The following VARS1 variants were observed in gnomAD, a reference collection of about 807,000 sequenced individuals.
The protein encoded by VARS1 is valine--tRNA ligase.
VARS1 carries 92 observed loss-of-function variants against 161.0 expected under a neutral mutation model. That is an observed-to-expected ratio of 0.57 (90% CI 0.48 to 0.68). VARS1 has a LOEUF of 0.68. Among genes scored for constraint, VARS1 ranks in the 30% least tolerant of loss-of-function variants. The pLI is 0.00. For synonymous variants in VARS1, 595 were observed against 682.5 expected (o/e 0.87, Z 2.00); for missense variants, 1,338 against 1,695.9 (o/e 0.79, Z 3.71).
At position 31,779,942 on chromosome 6, in the gene VARS1, G is replaced by A. The variant is rs1317838522; in HGVS notation, c.3081+56C>T. The A allele has an allele frequency of 6.2e-7, 1 of 1,608,010 alleles. No individual in the cohort carries two copies. Among genetic ancestry groups the A allele is most frequent in the Non-Finnish European group, 8.5e-7 (1 of 1,177,080 alleles). Reference sequence around the variant, plus strand: ...GCCAACTCTGGCAAAACTGAGCCCAGGGCTCTGCTGCCCACCTGCCCCCAC... The same window carrying A: ...GCCAACTCTGGCAAAACTGAGCCCAAGGCTCTGCTGCCCACCTGCCCCCAC... On this transcript the variant is annotated intron_variant, in intron 26 of 29. Coordinates refer to ENST00000375663, the MANE Select transcript of VARS1 (RefSeq NM_006295.3). The surrounding 1 kb of genome is among the most constrained non-coding windows in gnomAD (Gnocchi z 9.1).
chr6:31,786,814 T>C (rs547710075), intron 8 of VARS1, among the ~76,000 whole-genome samples: 26 of 152,066 alleles, frequency 1.7e-4, no homozygotes, highest in African/African-American at 5.5e-4. Flanking sequence ...TTTGTGAAAG[T>C]TGGCACTTCC....
Position 31,777,927 on chromosome 6 carries a change from T to G in VARS1, c.3727-265A>C. On this transcript the variant is annotated intron_variant, in intron 29 of 29. Coordinates refer to ENST00000375663, the MANE Select transcript of VARS1 (RefSeq NM_006295.3). The surrounding 1 kb of genome is among the most constrained non-coding windows in gnomAD (Gnocchi z 5.8). Reference sequence around the variant, plus strand: ...CAGAGCCTACGTGTTCCCCATTCAGTGTCCCCACCTAAGCAGGAGAGCACA... The same window carrying G: ...CAGAGCCTACGTGTTCCCCATTCAGGGTCCCCACCTAAGCAGGAGAGCACA... 1 of 575,306 alleles carries G rather than the reference T, an allele frequency of 1.7e-6. No individual in the cohort carries two copies. The highest frequency in any genetic ancestry group is 2.9e-5 in the East Asian group (1 of 34,660). The allele number at this position is 575,306 out of a possible 1,614,324, so 35.6% of individuals were successfully genotyped here.
chr6:31,790,378 G>T lies in VARS1; in HGVS notation c.1100+1232C>A, dbSNP rs907715752. On this transcript the variant is annotated intron_variant, in intron 8 of 29. Transcript: ENST00000375663. ...GCACTTTGGGAGGCCGAGGCAGGCAGATCACCTGAGGTCAGGAGTTTGAGA... is the reference window on the plus strand; with the variant it reads ...GCACTTTGGGAGGCCGAGGCAGGCATATCACCTGAGGTCAGGAGTTTGAGA... 2.0e-5 allele frequency among the ~76,000 whole-genome samples: 3 copies of T among 151,992 alleles called. No individual in the cohort carries two copies. The South Asian group carries it at 6.2e-4, about 32-fold the overall frequency.
chr6:31,778,764 C>G lies in VARS1; in HGVS notation c.3726+203G>C, dbSNP rs979066333. 4.3e-6 allele frequency: 3 copies of G among 703,616 alleles called. No homozygotes were observed. The African/African-American group carries it at 5.4e-5, about 13-fold the overall frequency. The allele number at this position is 703,616 out of a possible 1,614,324, so 43.6% of individuals were successfully genotyped here. On this transcript the variant is annotated intron_variant, in intron 29 of 29. Coordinates refer to ENST00000375663, the MANE Select transcript of VARS1 (RefSeq NM_006295.3). The surrounding 1 kb of genome is among the most constrained non-coding windows in gnomAD (Gnocchi z 5.1). ...TCAAGTGATCCACCCACCTTGGCCTCCCAAATTTCTGGGATTACAGGTGTG... is the reference window on the plus strand; with the variant it reads ...TCAAGTGATCCACCCACCTTGGCCTGCCAAATTTCTGGGATTACAGGTGTG...
In VARS1 at chr6:31,791,540, G is replaced by T. The variant is rs1021831221; in HGVS notation, c.1100+70C>A. 13 of 1,534,414 alleles carry T rather than the reference G, an allele frequency of 8.5e-6. No homozygotes were observed. Among genetic ancestry groups the T allele is most frequent in the African/African-American group, 1.4e-5 (1 of 72,968 alleles). On this transcript the variant is annotated intron_variant, in intron 8 of 29. Coordinates refer to ENST00000375663, the MANE Select transcript of VARS1 (RefSeq NM_006295.3). The surrounding 1 kb of genome is among the most constrained non-coding windows in gnomAD (Gnocchi z 5.0). ...AACCCAGAAGGAGAGAGGCTCGGGG[G>T]GCTGTCAGGGAAAAGGAGAGAGCCA...
chr6:31,791,709 C>T lies in VARS1; in HGVS notation c.1001G>A (p.Arg334Gln), dbSNP rs765025793. The T allele has an allele frequency of 1.2e-5, 19 of 1,612,874 alleles. No homozygotes were observed. The highest frequency in any genetic ancestry group is 1.7e-5 in the Admixed American group (1 of 59,980). Residue 334 changes from arginine (R) to glutamine (Q), a missense_variant, in exon 8 of 30, where the codon CGA (arginine) becomes CAA (glutamine). Around this residue, in one of 3 missense-constraint regions of VARS1, gnomAD observed 902 missense variants for 1,090.3 expected, o/e 0.83. Transcript: ENST00000375663. This position sits in a 1 kb window ranked among gnomAD's most constrained non-coding sequence, Gnocchi z 5.0. ...GRPNVSAANP[R>Q]GVFMMCIPPP... is the part of the protein sequence containing the mutation. ...TGGGATGCACATCATGAAGACACCTCGGGGATTTGCTGCTGACACATTAGG... is the reference window on the plus strand; with the variant it reads ...TGGGATGCACATCATGAAGACACCTTGGGGATTTGCTGCTGACACATTAGG...
chr6:31,792,329 C>T (rs776589792), intron 5 of VARS1, 28 bp from the exon 6 acceptor site: 3 of 1,613,924 alleles, frequency 1.9e-6, no homozygotes, highest in South Asian at 2.2e-5. Flanking sequence ...GACATAGGCC[C>T]AGGCATCAGC....
At position 31,779,437 on chromosome 6, in the gene VARS1, T is replaced by A. The variant is rs1310599485; in HGVS notation, c.3388A>T (p.Ile1130Phe). Reference protein sequence around the residue: ...SLRADYNLTRIRPDCFLEVAD... With the variant: ...SLRADYNLTRFRPDCFLEVAD... The stretch of plus-strand genomic sequence containing the variant: ...GCCTGAGGCTCACAGTCAGGCCGGA[T>A]CCGGGTGAGGTTGTAGTCGGCCCGC... The change falls in exon 28 of 30, where the codon ATC becomes TTC. Residue 1130 changes from isoleucine to phenylalanine, a missense_variant. Physicochemically the swap from Ile to Phe is conservative, Grantham distance 21. Transcript: ENST00000375663. The surrounding 1 kb of genome is among the most constrained non-coding windows in gnomAD (Gnocchi z 9.1). 2 of 1,611,976 alleles carry A rather than the reference T, an allele frequency of 1.2e-6. No homozygotes were observed. The highest frequency in any genetic ancestry group is 1.1e-5 in the South Asian group (1 of 91,062).
chr6:31,790,128 T>C (rs1402405773), intron 8 of VARS1, among the ~76,000 whole-genome samples: 1 of 150,412 alleles, frequency 6.6e-6, no homozygotes, highest in Non-Finnish European at 1.5e-5. Flanking sequence ...CGCAAAAAAA[T>C]TCTTAAATGT....
chr6:31,778,799 G>A lies in VARS1; in HGVS notation c.3726+168C>T. On this transcript the variant is annotated intron_variant, in intron 29 of 29. Coordinates refer to ENST00000375663, the MANE Select transcript of VARS1 (RefSeq NM_006295.3). This position sits in a 1 kb window ranked among gnomAD's most constrained non-coding sequence, Gnocchi z 5.1. ...TGGGATTACAGGTGTGAGCCACTGA[G>A]CCAGGCTGTTTTGTTTTTTAAGGCT... 3 of 934,840 alleles carry A rather than the reference G, an allele frequency of 3.2e-6. No individual in the cohort carries two copies. Among genetic ancestry groups the A allele is most frequent in the Non-Finnish European group, 3.1e-6 (2 of 636,100 alleles). The allele number at this position is 934,840 out of a possible 1,614,324, so 57.9% of individuals were successfully genotyped here.
Position 31,781,978 on chromosome 6 carries a change from AG to A in VARS1, c.2242-27del, listed in dbSNP as rs377367472. The A allele has an allele frequency of 1.2e-6, 2 of 1,613,096 alleles. No homozygotes were observed. ...CTGCCACAGGTGCAGTGATTACCCA[AG>A]GGGGTGTGTCTGCTTCTGGCTCACC... is the stretch of plus-strand genomic sequence containing the variant. On this transcript the variant is annotated intron_variant, in intron 18 of 29. Coordinates refer to ENST00000375663, the MANE Select transcript of VARS1 (RefSeq NM_006295.3). This position sits in a 1 kb window ranked among gnomAD's most constrained non-coding sequence, Gnocchi z 6.8.
rs193195815 is a variant in VARS1 at position 31,793,514 on chromosome 6, A to C, written c.388-394T>G. Among the ~76,000 whole-genome samples the C allele has an allele frequency of 4.7e-3, 723 of 152,230 alleles. 4 individuals carry two copies. Among genetic ancestry groups the C allele is most frequent in the Non-Finnish European group, 6.9e-3 (470 of 67,996 alleles). ...CAGCGAGACTCCGTCTCAGAAAAAA[A>C]AAAACAAAACACTTCTGACTCATCC... On this transcript the variant is annotated intron_variant, in intron 2 of 29. Transcript: ENST00000375663.
rs777665186 is a variant in VARS1 at position 31,779,693 on chromosome 6, G to A, written c.3203C>T (p.Thr1068Met). 1.8e-5 allele frequency: 29 copies of A among 1,612,896 alleles called. No homozygotes were observed. Among genetic ancestry groups the A allele is most frequent in the African/African-American group, 4.0e-5 (3 of 74,910 alleles). ...RLLSPFMPFV[T>M]EELFQRLPRR... ...GGGCAGCCTCTGGAACAGCTCCTCC[G>A]TCACGAAGGGCATGAAGGGTGAGAG... Residue 1068 changes from threonine (T) to methionine (M), a missense_variant, in exon 27 of 30, where the codon ACG (threonine) becomes ATG (methionine). By Grantham distance (81) the Thr-to-Met change is moderately conservative (BLOSUM62 -1). Coordinates refer to ENST00000375663, the MANE Select transcript of VARS1 (RefSeq NM_006295.3). This position sits in a 1 kb window ranked among gnomAD's most constrained non-coding sequence, Gnocchi z 9.1.
chr6:31,788,097 G>A (rs1813621148), intron 8 of VARS1, among the ~76,000 whole-genome samples: 1 of 151,810 alleles, frequency 6.6e-6, no homozygotes, highest in Admixed American at 6.6e-5. Flanking sequence ...TCCAGCCTGG[G>A]TGACAGAGCA....
Position 31,780,800 on chromosome 6 carries a change from G to T in VARS1, c.2719-17C>A. The T allele has an allele frequency of 1.9e-6, 3 of 1,614,168 alleles. No homozygotes were observed. Among genetic ancestry groups the T allele is most frequent in the Non-Finnish European group, 2.5e-6 (3 of 1,180,010 alleles). Reference sequence around the variant, plus strand: ...GTCAGCTTTCTACAGGGAAGAGGCAGGGGGAGGAGCGTCCTCAGCCAGCCC... The same window carrying T: ...GTCAGCTTTCTACAGGGAAGAGGCATGGGGAGGAGCGTCCTCAGCCAGCCC... On this transcript the variant is annotated splice_polypyrimidine_tract_variant and intron_variant, in intron 23 of 29. Coordinates refer to ENST00000375663, the MANE Select transcript of VARS1 (RefSeq NM_006295.3). This position sits in a 1 kb window ranked among gnomAD's most constrained non-coding sequence, Gnocchi z 5.1.
chr6:31,787,386 T>G (rs891297365), intron 8 of VARS1, among the ~76,000 whole-genome samples: 10 of 152,366 alleles, frequency 6.6e-5, no homozygotes, highest in Non-Finnish European at 1.3e-4. Context: ...GGCTCACACC[T>G]GTAATCCCAG....
Position 31,783,106 on chromosome 6 carries a change from G to A in VARS1, c.1752C>T (p.Asp584=). Residue 584 remains aspartate, a synonymous_variant, in exon 14 of 30, where the codon GAC becomes GAT. Coordinates refer to ENST00000375663, the MANE Select transcript of VARS1 (RefSeq NM_006295.3). The stretch of plus-strand genomic sequence containing the variant: ...CAGCCCCTTGCCCACCTGTGCCAAA[G>A]TCCATGTCCACAAATTCATCGAAGA... The part of the protein sequence containing the change: ...PIVFDEFVDM[D]FGTGAVKITP... The A allele has an allele frequency of 1.2e-6, 2 of 1,612,556 alleles. No individual in the cohort carries two copies. The highest frequency in any genetic ancestry group is 1.7e-6 in the Non-Finnish European group (2 of 1,179,854).
intron 13 of VARS1, among the ~76,000 whole-genome samples, chr6:31,783,618 T>G (rs1813301934): frequency 6.6e-6 from 1 of 151,232 alleles, no homozygotes; most frequent in Non-Finnish European, 1.5e-5. Context: ...AGGCCAGGAG[T>G]TCAAGATCAG....
At chr6:31,788,199 T>C (rs1300304440) in intron 8 of VARS1, among the ~76,000 whole-genome samples, 1 of 151,984 alleles carries the variant, frequency 6.6e-6, no homozygotes, top group Non-Finnish European at 1.5e-5. Flanking sequence ...TTGTATGTTA[T>C]GTGTATTTAA....
Sources: allele counts gnomAD v4.1 joint callset (sites outside exome capture counted in the v4.1 genomes callset), GRCh38; gene constraint gnomAD v4.1.1; regional missense constraint gnomAD v4.1.1; non-coding constraint Gnocchi (gnomAD v3.1); transcripts MANE v1.5; gene names NCBI Gene and HGNC (gene_info 2026-07-23, HGNC 2026-07-21).